DCAF6: variants seen among roughly 807,000 people sequenced by gnomAD.
DCAF6 encodes the protein DDB1 and CUL4 associated factor 6, also known as DDB1- and CUL4-associated factor 6.
A neutral mutation model predicts 125.1 loss-of-function variants in DCAF6; 54 were observed. That is an observed-to-expected ratio of 0.43 (90% CI 0.35 to 0.54). DCAF6 has a LOEUF of 0.54. DCAF6 is among the 20% of genes least tolerant of loss of function. The pLI is 0.01. For synonymous variants in DCAF6, 371 were observed against 390.4 expected (o/e 0.95, Z 0.58); for missense variants, 934 against 1,161.7 (o/e 0.80, Z 2.85).
At chr1:168,000,489 A>G (rs186522560) in intron 7 of DCAF6, among the ~76,000 whole-genome samples, 21 of 152,296 alleles carry the variant, frequency 1.4e-4, no homozygotes, top group African/African-American at 2.9e-4. Context: ...CTATGTTTCA[A>G]TTCTTTTGGG....
At chr1:167,987,667 GGTTATAATTAAA>G (rs1680205553) in intron 5 of DCAF6, 59 bp downstream of exon 5, 1 of 861,006 alleles carries the variant, frequency 1.2e-6, no homozygotes, top group East Asian at 2.7e-5. Context: ...AATTAAAATT[GGTTATAATTAAA>G]GTTATAATTA....
chr1:168,020,647 G>T (rs897020765), intron 11 of DCAF6, among the ~76,000 whole-genome samples: 6 of 152,120 alleles, frequency 3.9e-5, no homozygotes, highest in African/African-American at 1.4e-4. Context: ...TCTCTAGAAG[G>T]TATTTCCCAG....
intron 17 of DCAF6, among the ~76,000 whole-genome samples, chr1:168,056,893 C>T (rs201535): frequency 0.033 from 5,035 of 152,142 alleles, 209 homozygotes; most frequent in African/African-American, 0.098. Context: ...CTTTTATTTC[C>T]CTTTAGTTTT....
chr1:167,894,687 G>T, the DCAF6 span, among the ~76,000 whole-genome samples: 1 of 152,076 alleles, frequency 6.6e-6, no homozygotes, highest in Non-Finnish European at 1.5e-5. Flanking sequence ...AACCATAACT[G>T]TAAGTGTAGC....
chr1:168,000,650 C>A (rs566670536), intron 7 of DCAF6, among the ~76,000 whole-genome samples: 2 of 152,072 alleles, frequency 1.3e-5, no homozygotes, highest in Admixed American at 1.3e-4. Flanking sequence ...GGGTATCTTG[C>A]TAAAATGGGG....
chr1:167,918,308 T>TG, the DCAF6 span: 1 of 1,563,654 alleles, frequency 6.4e-7, no homozygotes, highest in Non-Finnish European at 8.8e-7. Flanking sequence ...ATTGTTCAGG[T>TG]GATCAGGAAC....
chr1:167,999,262 T>G (rs1166621356), intron 7 of DCAF6, among the ~76,000 whole-genome samples: 1 of 152,186 alleles, frequency 6.6e-6, no homozygotes, highest in Non-Finnish European at 1.5e-5. Context: ...TGTAAAGAGA[T>G]GTGCCCTCAT....
At chr1:167,923,501 C>G in the DCAF6 span, among the ~76,000 whole-genome samples, 1 of 151,980 alleles carries the variant, frequency 6.6e-6, no homozygotes, top group Admixed American at 6.6e-5. Context: ...TAGTGAAATT[C>G]ATAGAGACAG....
At chr1:167,984,788 A>G (rs191717034) in intron 4 of DCAF6, among the ~76,000 whole-genome samples, 296 of 152,336 alleles carry the variant, frequency 1.9e-3, no homozygotes, top group African/African-American at 6.3e-3. Flanking sequence ...AATTGGTTCA[A>G]TTGAAGCAAA....
At chr1:168,020,991 G>C (rs6662158) in intron 11 of DCAF6, among the ~76,000 whole-genome samples, 2,832 of 152,150 alleles carry the variant, frequency 0.019, 78 homozygotes, top group African/African-American at 0.064. Context: ...GTCTATGGCA[G>C]AGTAAAACCA....
chr1:167,899,856 G>A, the DCAF6 span, among the ~76,000 whole-genome samples: 14 of 152,300 alleles, frequency 9.2e-5, no homozygotes, highest in East Asian at 1.9e-4. Flanking sequence ...TTGCCTGTCT[G>A]TAACATTATC....
intron 4 of DCAF6, among the ~76,000 whole-genome samples, chr1:167,975,632 A>G (rs73026135): frequency 0.085 from 12,877 of 152,202 alleles, 618 homozygotes; most frequent in Middle Eastern, 0.1. Flanking sequence ...TGCAGCTTCA[A>G]ACTCCCAGGC....
At chr1:167,906,147 A>G in the DCAF6 span, among the ~76,000 whole-genome samples, 1 of 152,184 alleles carries the variant, frequency 6.6e-6, no homozygotes, top group East Asian at 1.9e-4. Context: ...TATATCCCTT[A>G]GATTTAAGGG....
the DCAF6 span, among the ~76,000 whole-genome samples, chr1:167,877,390 A>G: frequency 0.36 from 54,647 of 151,216 alleles, 10,735 homozygotes; most frequent in African/African-American, 0.51. Flanking sequence ...GCTAAGCCTC[A>G]GGAATACTGA....
the DCAF6 span, chr1:167,917,710 A>AT: frequency 5.9e-5 from 9 of 152,290 alleles, no homozygotes; most frequent in African/African-American, 2.2e-4. Flanking sequence ...ACTGAGGGTA[A>AT]TTGAAAAATT....
chr1:168,047,081 G>A (rs898146222), intron 16 of DCAF6, among the ~76,000 whole-genome samples: 1 of 152,066 alleles, frequency 6.6e-6, no homozygotes, highest in Non-Finnish European at 1.5e-5. Flanking sequence ...ATATTCTAGA[G>A]CTAAGGAGTT....
At chr1:167,870,722 T>C in the DCAF6 span, among the ~76,000 whole-genome samples, 2 of 151,408 alleles carry the variant, frequency 1.3e-5, no homozygotes, top group South Asian at 4.2e-4. Context: ...GGTAAGAGAA[T>C]TGCTTGAACC....
At chr1:167,977,679 C>T (rs1320668182) in intron 4 of DCAF6, among the ~76,000 whole-genome samples, 1 of 152,062 alleles carries the variant, frequency 6.6e-6, no homozygotes, top group Non-Finnish European at 1.5e-5. Flanking sequence ...TGGTTTACTA[C>T]TTCATTATTC....
At chr1:167,940,385 G>A (rs979627284) in intron 1 of DCAF6, among the ~76,000 whole-genome samples, 20 of 152,090 alleles carry the variant, frequency 1.3e-4, no homozygotes, top group African/African-American at 4.6e-4. Flanking sequence ...TGGGAGGCGG[G>A]GGGCAGGGTG....
Sources: allele counts gnomAD v4.1 joint callset (sites outside exome capture counted in the v4.1 genomes callset), GRCh38; gene constraint gnomAD v4.1.1; transcripts MANE v1.5; gene names NCBI Gene and HGNC (gene_info 2026-07-23, HGNC 2026-07-21).